DGKK: variants seen among roughly 807,000 people sequenced by gnomAD.
The protein encoded by DGKK is 142 kDa diacylglycerol kinase.
DGKK carries 35 observed loss-of-function variants against 92.2 expected under a neutral mutation model. The observed-to-expected ratio is 0.38, with a 90% CI of 0.29 to 0.50. The LOEUF (loss-of-function observed/expected upper bound fraction) is 0.50, where lower values mean the gene tolerates loss of function less well. Ranked by LOEUF, DGKK falls within the 20% of genes least tolerant of loss-of-function variation. DGKK has a pLI of 0.92. For missense variants in DGKK, 910 were observed against 992.2 expected (o/e 0.92, Z 1.11); for synonymous variants, 368 against 360.6 (o/e 1.02, Z -0.23).
chrX:50,387,695 G>A (rs1489879371), intron 13 of DGKK, 42 bp from the exon 14 acceptor site: 2 of 945,717 alleles, frequency 2.1e-6, no homozygotes, highest in Admixed American at 4.7e-5. Context: ...CATGAACCAT[G>A]AGGCCCAGAG....
At chrX:50,438,693 T>C (rs782426678) in intron 1 of DGKK, among the ~76,000 whole-genome samples, 1 of 111,747 alleles carries the variant, frequency 8.9e-6, no homozygotes, top group Middle Eastern at 4.2e-3. Context: ...ATTCTGAACT[T>C]CATGGAGTTT....
At chrX:50,463,204 C>T (rs1238547279) in intron 1 of DGKK, among the ~76,000 whole-genome samples, 1 of 105,236 alleles carries the variant, frequency 9.5e-6, no homozygotes, top group Admixed American at 1.0e-4. Context: ...TTCCTCTTTC[C>T]CACCCCTCCT....
intron 24 of DGKK, 145 bp from the exon 25 acceptor site, chrX:50,375,202 T>C (rs1322541366): frequency 1.4e-5 from 6 of 442,114 alleles, no homozygotes; most frequent in East Asian, 3.9e-5. Flanking sequence ...ATTCAAAATA[T>C]AGTACAACTA....
chrX:50,396,692 T>G (rs1018388226), intron 8 of DGKK, among the ~76,000 whole-genome samples: 2 of 110,913 alleles, frequency 1.8e-5, no homozygotes, highest in African/African-American at 3.3e-5. Context: ...ATCTAGTATT[T>G]CCCCCTGAGG....
At position 50,376,975 on chromosome X, in the gene DGKK, A is replaced by G. The variant is rs1167899659; in HGVS notation, c.3112-57T>C. 1.4e-5 allele frequency: 15 copies of G among 1,099,699 alleles called. No individual in the cohort carries two copies. The African/African-American group carries it at 2.5e-4, about 19-fold the overall frequency. The allele number at this position is 1,099,699 out of a possible 1,213,427, so 90.6% of individuals were successfully genotyped here. ...ATTGCTGTAGCTACTAGTGCACATG[A>G]CAGATCTGTCTGTGAGCCTGACGTT... is the stretch of plus-strand genomic sequence containing the variant. On this transcript the variant is annotated intron_variant, in intron 22 of 27. Transcript: ENST00000611977.
chrX:50,469,538 G>A (rs910605070), intron 1 of DGKK, among the ~76,000 whole-genome samples: 1 of 112,209 alleles, frequency 8.9e-6, no homozygotes, highest in African/African-American at 3.2e-5. Context: ...GCCCAGCTGA[G>A]GCGCCCCCTC....
chrX:50,391,374 T>G, intron 11 of DGKK, 63 bp downstream of exon 11: 696 of 1,142,569 alleles, frequency 6.1e-4, no homozygotes, highest in Non-Finnish European at 7.3e-4. Context: ...TATTCCTGAT[T>G]GAGATGATGT....
chrX:50,408,280 A>T (rs944417932), intron 4 of DGKK, among the ~76,000 whole-genome samples: 5 of 112,735 alleles, frequency 4.4e-5, no homozygotes, highest in Admixed American at 9.2e-5. Context: ...ACCTAGCCCC[A>T]GAGAATTATT....
At chrX:50,460,680 T>C (rs1462690136) in intron 1 of DGKK, among the ~76,000 whole-genome samples, 1 of 112,095 alleles carries the variant, frequency 8.9e-6, no homozygotes, top group Non-Finnish European at 1.9e-5. Flanking sequence ...ACTTCCCTTT[T>C]AAATTACTGA....
Position 50,393,170 on chromosome X carries a change from T to G in DGKK, c.1577A>C (p.Lys526Thr). The stretch of plus-strand genomic sequence containing the variant: ...GGCTTACCCTGCTTCAGGTCCACCC[T>G]TCAATAAGTCGAACACTTGAGATGG... ...LNPSQVFDLL[K>T]GGPEAGLSMF... Residue 526 changes from lysine (K) to threonine (T), a missense_variant, in exon 9 of 28, where the codon AAG (lysine) becomes ACG (threonine). Transcript: ENST00000611977. The G allele has an allele frequency of 8.3e-7, 1 of 1,209,424 alleles. No homozygotes were observed. Among genetic ancestry groups the G allele is most frequent in the Non-Finnish European group, 1.1e-6 (1 of 894,139 alleles).
At chrX:50,403,695 C>A (rs1261860682) in intron 5 of DGKK, 98 bp from the exon 6 acceptor site, 2 of 708,735 alleles carry the variant, frequency 2.8e-6, no homozygotes, top group East Asian at 6.5e-5. Flanking sequence ...AACACAGATG[C>A]ATTCTAAATA....
At chrX:50,429,558 G>A (rs1293657268) in intron 1 of DGKK, among the ~76,000 whole-genome samples, 3 of 111,280 alleles carry the variant, frequency 2.7e-5, no homozygotes, top group African/African-American at 6.5e-5. Flanking sequence ...GCGTGGTGGC[G>A]GGCGCCTGTA....
intron 25 of DGKK, 128 bp from the exon 26 acceptor site, chrX:50,371,962 C>A (rs887834420): frequency 4.1e-5 from 17 of 418,121 alleles, no homozygotes; most frequent in Non-Finnish European, 6.9e-5. Flanking sequence ...ATCCCTTTGG[C>A]CCATAGCCAG....
intron 1 of DGKK, among the ~76,000 whole-genome samples, chrX:50,466,727 G>C (rs1926919334): frequency 9.0e-6 from 1 of 111,499 alleles, no homozygotes; most frequent in Non-Finnish European, 1.9e-5. Context: ...CACTGAGAAA[G>C]GCCACCCCTA....
rs782635569 is a variant in DGKK, at chrX:50,433,642, GA to G, written c.646-9285del. Among the ~76,000 whole-genome samples, 6 of 111,610 alleles carry G rather than the reference GA, an allele frequency of 5.4e-5. No homozygotes were observed. In the South Asian group the frequency reaches 2.3e-3, roughly 43 times the overall value. ...GTGGCTTATGATAAACCTTCCTGCA[GA>G]AGGTTGCCTTTGCTCCACAAATCCA... On this transcript the variant is annotated intron_variant, in intron 1 of 27. Transcript: ENST00000611977.
chrX:50,386,627 C>A (rs1557224991), intron 14 of DGKK, 41 bp from the exon 15 acceptor site: 1 of 1,109,074 alleles, frequency 9.0e-7, no homozygotes, highest in East Asian at 3.0e-5. Flanking sequence ...TTATGAGGGA[C>A]CCATGCTTGA....
chrX:50,423,642 T>C (rs1026467564), intron 2 of DGKK, among the ~76,000 whole-genome samples: 3 of 111,728 alleles, frequency 2.7e-5, no homozygotes, highest in Admixed American at 1.9e-4. Context: ...TATGAACAGT[T>C]GAGCTAGTTT....
At chrX:50,441,385 A>G (rs1926168152) in intron 1 of DGKK, among the ~76,000 whole-genome samples, 1 of 111,420 alleles carries the variant, frequency 9.0e-6, no homozygotes, top group African/African-American at 3.3e-5. Context: ...TGATGGCCTG[A>G]AACTAAGGTG....
chrX:50,452,997 C>T (rs1017353838), intron 1 of DGKK, among the ~76,000 whole-genome samples: 9 of 111,536 alleles, frequency 8.1e-5, no homozygotes, highest in African/African-American at 2.9e-4. Flanking sequence ...AATGATGAAT[C>T]ATCATTATAA....
Sources: allele counts gnomAD v4.1 joint callset (sites outside exome capture counted in the v4.1 genomes callset), GRCh38; gene constraint gnomAD v4.1.1; transcripts MANE v1.5; gene names NCBI Gene and HGNC (gene_info 2026-07-23, HGNC 2026-07-21).